The following SOS1 variants were observed in gnomAD, a reference collection of about 807,000 sequenced individuals.
SOS1 encodes the protein SOS Ras/Rac guanine nucleotide exchange factor 1.
In SOS1, 25 loss-of-function variants were observed where a neutral mutation model predicts 157.6. The observed-to-expected ratio is 0.16, with a 90% CI of 0.12 to 0.22. The LOEUF (loss-of-function observed/expected upper bound fraction) is 0.22, where lower values mean the gene tolerates loss of function less well. Among genes scored for constraint, SOS1 ranks in the 10% least tolerant of loss-of-function variants. The probability of loss-of-function intolerance (pLI) is 1.00; values close to 1 mark genes in which losing one functional copy is unlikely to be tolerated. For synonymous variants in SOS1, 528 were observed against 534.0 expected (o/e 0.99, Z 0.16); for missense variants, 1,237 against 1,599.1 (o/e 0.77, Z 3.86).
intron 1 of SOS1, among the ~76,000 whole-genome samples, chr2:39,069,397 T>C (rs1400663456): frequency 2.0e-5 from 3 of 151,626 alleles, no homozygotes; most frequent in Admixed American, 6.6e-5. Context: ...CAATAAAAGA[T>C]AGTATCCTAC....
chr2:39,012,619 TAG>T (rs1281897160), intron 13 of SOS1, among the ~76,000 whole-genome samples: 1 of 152,176 alleles, frequency 6.6e-6, no homozygotes, highest in Non-Finnish European at 1.5e-5. Flanking sequence ...ACTTAATTTG[TAG>T]AGACTGTCCA....
At chr2:39,030,244 G>A (rs1029478731) in intron 8 of SOS1, among the ~76,000 whole-genome samples, 68 of 125,494 alleles carry the variant, frequency 5.4e-4, no homozygotes, top group Admixed American at 7.5e-4. Context: ...AAAGAAAACA[G>A]AAAAAAAAAA....
chr2:39,000,752 T>G (rs1669066986), intron 17 of SOS1, among the ~76,000 whole-genome samples: 1 of 152,250 alleles, frequency 6.6e-6, no homozygotes, highest in African/African-American at 2.4e-5. Flanking sequence ...ACTACGGAAC[T>G]GTATCTTATC....
upstream of SOS1, chr2:39,121,131 A>AG (rs1673877716): frequency 6.5e-6 from 1 of 153,434 alleles, no homozygotes; most frequent in Non-Finnish European, 1.5e-5. Flanking sequence ...TCGAGAGAGA[A>AG]AGAGAGAGAG....
chr2:39,052,005 A>G (rs1455428109), intron 5 of SOS1, among the ~76,000 whole-genome samples: 1 of 152,196 alleles, frequency 6.6e-6, no homozygotes, highest in Non-Finnish European at 1.5e-5. Context: ...CATTACCACA[A>G]GAAGAAAACC....
intron 1 of SOS1, among the ~76,000 whole-genome samples, chr2:39,118,974 G>C (rs1445001136): frequency 1.3e-5 from 2 of 152,102 alleles, no homozygotes; most frequent in Non-Finnish European, 2.9e-5. Flanking sequence ...AAGCAAAATG[G>C]CCCCTATTTG....
rs979083396 is a variant in SOS1, at chr2:39,112,898, G to C, written c.87+7438C>G. ...TACTAAAACACAAAAGATTAGCTGC[G>C]TGTGATGGAGTGCGCCTGTAATCCC... On this transcript the variant is annotated intron_variant, in intron 1 of 22. Coordinates refer to ENST00000402219, the MANE Select transcript of SOS1 (RefSeq NM_005633.4). Among the ~76,000 whole-genome samples the C allele has an allele frequency of 1.6e-4, 25 of 152,012 alleles. 1 individual carries two copies. Among genetic ancestry groups the C allele is most frequent in the Non-Finnish European group, 1.5e-5 (1 of 68,004 alleles).
intron 10 of SOS1, among the ~76,000 whole-genome samples, chr2:39,015,595 G>A (rs1446341159): frequency 6.6e-6 from 1 of 151,788 alleles, no homozygotes; most frequent in Non-Finnish European, 1.5e-5. Context: ...GAGGCTGAGT[G>A]TGATCACTCC....
At chr2:39,098,281 C>T (rs1672845401) in intron 1 of SOS1, 2 of 260,138 alleles carry the variant, frequency 7.7e-6, no homozygotes, top group Non-Finnish European at 1.5e-5. Flanking sequence ...GTTAACTCTC[C>T]ACCCTTTACT....
chr2:39,047,464 A>G (rs1196279065), intron 6 of SOS1, among the ~76,000 whole-genome samples: 1 of 152,176 alleles, frequency 6.6e-6, no homozygotes, highest in African/African-American at 2.4e-5. Context: ...GCTGTACCAA[A>G]TTACACCCTA....
chr2:39,120,287 C>T, intron 1 of SOS1, 49 bp downstream of exon 1: 1 of 1,505,976 alleles, frequency 6.6e-7, no homozygotes, highest in Non-Finnish European at 8.9e-7. Context: ...TCCCCAGCGC[C>T]CGCGCTGGGG....
intron 15 of SOS1, among the ~76,000 whole-genome samples, chr2:39,009,545 T>C (rs756469196): frequency 2.0e-5 from 3 of 152,214 alleles, no homozygotes; most frequent in Non-Finnish European, 2.9e-5. Flanking sequence ...TAAAATAATA[T>C]AAACATTGTT....
chr2:39,034,974 A>AT, intron 8 of SOS1: 1 of 566,142 alleles, frequency 1.8e-6, no homozygotes, highest in Non-Finnish European at 3.2e-6. Context: ...AACCAAAAAT[A>AT]AAAAAAAGAA....
chr2:39,048,164 CTT>C (rs922570131), intron 6 of SOS1, among the ~76,000 whole-genome samples: 1 of 152,166 alleles, frequency 6.6e-6, no homozygotes, highest in Admixed American at 6.5e-5. Context: ...TTTAAGAAAT[CTT>C]TGTGTATTTC....
At chr2:39,011,834 A>G (rs1669483867) in intron 14 of SOS1, among the ~76,000 whole-genome samples, 1 of 152,160 alleles carries the variant, frequency 6.6e-6, no homozygotes, top group African/African-American at 2.4e-5. Flanking sequence ...GGGCAGAAGG[A>G]TAAAGTCACA....
At chr2:39,012,603 G>C (rs1262032964) in intron 13 of SOS1, among the ~76,000 whole-genome samples, 1 of 151,980 alleles carries the variant, frequency 6.6e-6, no homozygotes, top group Non-Finnish European at 1.5e-5. Context: ...AATAAAATTA[G>C]AAAGTACTTA....
intron 1 of SOS1, among the ~76,000 whole-genome samples, chr2:39,119,129 AAAGT>A (rs1449881293): frequency 1.3e-5 from 2 of 152,226 alleles, no homozygotes; most frequent in African/African-American, 4.8e-5. Flanking sequence ...AAGTAAAGCA[AAAGT>A]AAGGAGTGAG....
At chr2:39,030,521 G>T (rs979880040) in intron 8 of SOS1, among the ~76,000 whole-genome samples, 1 of 152,224 alleles carries the variant, frequency 6.6e-6, no homozygotes, top group East Asian at 1.9e-4. Context: ...AGCAAGCTAT[G>T]ATCATACCAC....
rs1668512168 is a variant in SOS1, at chr2:38,985,060, T to A, written c.*764A>T. On this transcript the variant is annotated 3_prime_UTR_variant, in exon 23 of 23. Transcript: ENST00000402219. ...GCAAATAGAATAGTTGACAGTTATT[T>A]TTTTTTAAAAAGTTCTTCTGTCATG... 1 of 152,236 alleles carries A rather than the reference T, an allele frequency of 6.6e-6. No individual in the cohort carries two copies. The highest frequency in any genetic ancestry group is 1.5e-5 in the Non-Finnish European group (1 of 68,050). 9.4% of individuals were successfully genotyped at this position (152,236 alleles called of 1,614,324 possible). A position where few individuals can be genotyped will look rare whatever the true frequency, so the allele number is the denominator to read the frequency against.
Sources: gnomAD v4.1 joint callset for allele counts (sites outside exome capture counted in the v4.1 genomes callset) on GRCh38, gnomAD v4.1.1 for gene constraint, MANE v1.5 for transcripts, NCBI Gene and HGNC (gene_info 2026-07-23, HGNC 2026-07-21) for gene names.